Variants in CACNA1D observed in about 807,000 individuals in gnomAD.
CACNA1D encodes calcium voltage-gated channel subunit alpha1 D.
In CACNA1D, 55 loss-of-function variants were observed where a neutral mutation model predicts 257.1. That is an observed-to-expected ratio of 0.21 (90% CI 0.17 to 0.27). The LOEUF is 0.27. CACNA1D is among the 10% of genes least tolerant of loss of function. CACNA1D has a pLI of 1.00. For synonymous variants in CACNA1D, 980 were observed against 1,014.9 expected, an observed-to-expected ratio of 0.97 and a Z score of 0.65; for missense variants, 1,876 against 2,784.0, an observed-to-expected ratio of 0.67 and a Z score of 7.34.
intron 30 of CACNA1D, among the ~76,000 whole-genome samples, chr3:53,764,313 TCATCTCA>T: frequency 6.6e-6 from 1 of 152,222 alleles, no homozygotes. Context: ...GCCACCTTAA[TCATCTCA>T]CAACGCAAAG....
intron 3 of CACNA1D, among the ~76,000 whole-genome samples, chr3:53,538,437 G>A (rs755072224): frequency 1.3e-4 from 20 of 152,158 alleles, no homozygotes; most frequent in Non-Finnish European, 2.4e-4. Flanking sequence ...GATTACAGGC[G>A]TGAGCCACAG....
At position 53,723,705 on chromosome 3, in the gene CACNA1D, C is replaced by T. The variant is rs760939413; in HGVS notation, c.1892+46C>T. On this transcript the variant is annotated intron_variant, in intron 13 of 47. Transcript: ENST00000350061. This position sits in a 1 kb window ranked among gnomAD's most constrained non-coding sequence, Gnocchi z 5.6. ...CTGCAAATGTTTTATGAACATGAGGCGGCAACCAGTCACATCCCCGGGCAG... is the reference window on the plus strand; with the variant it reads ...CTGCAAATGTTTTATGAACATGAGGTGGCAACCAGTCACATCCCCGGGCAG... 2.4e-5 allele frequency: 38 copies of T among 1,593,118 alleles called. No individual in the cohort carries two copies. The highest frequency in any genetic ancestry group is 1.1e-4 in the South Asian group (10 of 90,646).
At chr3:53,688,662 C>T (rs2094494064) in intron 8 of CACNA1D, among the ~76,000 whole-genome samples, 1 of 152,194 alleles carries the variant, frequency 6.6e-6, no homozygotes, top group African/African-American at 2.4e-5. Context: ...GCCTCACATC[C>T]TTCCAAGACC....
rs2109129092 is a variant in CACNA1D, at chr3:53,789,206, C to G, written c.4923+2254C>G. 6.6e-6 allele frequency among the ~76,000 whole-genome samples: 1 copy of G among 152,234 alleles called. No homozygotes were observed. The highest frequency in any genetic ancestry group is 1.5e-5 in the Non-Finnish European group (1 of 68,026). On this transcript the variant is annotated intron_variant, in intron 40 of 47. Coordinates refer to ENST00000350061, the MANE Select transcript of CACNA1D (RefSeq NM_001128840.3). This position sits in a 1 kb window ranked among gnomAD's most constrained non-coding sequence, Gnocchi z 4.2. Reference sequence around the variant, plus strand: ...TGCAAACATTTCCAGTTAGATGATACCAACATATTTTCGCATGGCTCCATT... The same window carrying G: ...TGCAAACATTTCCAGTTAGATGATAGCAACATATTTTCGCATGGCTCCATT...
intron 4 of CACNA1D, 78 bp downstream of exon 4, chr3:53,650,996 C>A: frequency 7.6e-7 from 1 of 1,313,246 alleles, no homozygotes; most frequent in Non-Finnish European, 1.1e-6. Flanking sequence ...GGTAACAAAA[C>A]AGTCTTTTTA....
Position 53,673,748 on chromosome 3 carries a change from G to T in CACNA1D, c.1220+622G>T. ...CGATAGGATGGGAATGGCCATGGGTGTATTTTGTTAGTCTGATCATCCTTG... is the reference window on the plus strand; with the variant it reads ...CGATAGGATGGGAATGGCCATGGGTTTATTTTGTTAGTCTGATCATCCTTG... On this transcript the variant is annotated intron_variant, in intron 8 of 47. Coordinates refer to ENST00000350061, the MANE Select transcript of CACNA1D (RefSeq NM_001128840.3). The surrounding 1 kb of genome is among the most constrained non-coding windows in gnomAD (Gnocchi z 4.1). The T allele has an allele frequency of 6.2e-7, 1 of 1,613,878 alleles. No homozygotes were observed. Among genetic ancestry groups the T allele is most frequent in the African/African-American group, 1.3e-5 (1 of 75,034 alleles).
chr3:53,600,854 C>A lies in CACNA1D; in HGVS notation c.484-49925C>A, dbSNP rs561931286. 2.6e-5 allele frequency among the ~76,000 whole-genome samples: 4 copies of A among 152,258 alleles called. No individual in the cohort carries two copies. In the South Asian group the frequency reaches 8.3e-4, roughly 32 times the overall value. ...TAGATAGCTTTAACCCCCCTGTTCG[C>A]TGAAGGACTTGGTTCTGAATGATTG... On this transcript the variant is annotated intron_variant, in intron 3 of 47. Coordinates refer to ENST00000350061, the MANE Select transcript of CACNA1D (RefSeq NM_001128840.3).
At chr3:53,666,567 G>A (rs924123790) in intron 7 of CACNA1D, 32 bp downstream of exon 7, 16 of 1,576,626 alleles carry the variant, frequency 1.0e-5, no homozygotes, top group Non-Finnish European at 1.3e-5. Flanking sequence ...TTTATGGAGT[G>A]TTCTTTGCTT....
chr3:53,735,777 C>T lies in CACNA1D; in HGVS notation c.2751+274C>T, dbSNP rs563844336. 3.0e-4 allele frequency among the ~76,000 whole-genome samples: 45 copies of T among 152,362 alleles called. No homozygotes were observed. The South Asian group carries it at 8.3e-3, about 28-fold the overall frequency. On this transcript the variant is annotated intron_variant, in intron 20 of 47. Transcript: ENST00000350061. ...GGGAGCCTGCTTCTCCGCCTCTTTG[C>T]TCCCTGCTGCTGATATTTAGGTCCT... is the stretch of plus-strand genomic sequence containing the variant.
In CACNA1D at chr3:53,808,711, C is replaced by G. The variant is rs773336682; in HGVS notation, c.5812C>G (p.Pro1938Ala). Residue 1938 changes from proline (P) to alanine (A), a missense_variant, in exon 46 of 48, where the codon CCG (proline) becomes GCG (alanine). Around this residue, in one of 10 missense-constraint regions of CACNA1D, gnomAD observed 491 missense variants for 554.3 expected, o/e 0.89. Coordinates refer to ENST00000350061, the MANE Select transcript of CACNA1D (RefSeq NM_001128840.3). ...CCGGCAGAGCAGCCAGGAAGAGGTC[C>G]CGTCGTCTCCCATCTTCCCCCATCG... is the stretch of plus-strand genomic sequence containing the variant. The part of the protein sequence containing the change: ...LRRQSSQEEV[P>A]SSPIFPHRTA... The G allele has an allele frequency of 5.0e-6, 8 of 1,609,160 alleles. No homozygotes were observed. Among genetic ancestry groups the G allele is most frequent in the Non-Finnish European group, 5.1e-6 (6 of 1,179,968 alleles).
At position 53,793,972 on chromosome 3, in the gene CACNA1D, A is replaced by G. The variant is rs931132760; in HGVS notation, c.4924-6277A>G. The stretch of plus-strand genomic sequence containing the variant: ...AGGCTAAACTCTTCAGCTCCTGGAT[A>G]GAAGATGAGAGGCAGGCCAGTATAC... On this transcript the variant is annotated intron_variant, in intron 40 of 47. Transcript: ENST00000350061. The surrounding 1 kb of genome is among the most constrained non-coding windows in gnomAD (Gnocchi z 4.1). Among the ~76,000 whole-genome samples, 7 of 152,240 alleles carry G rather than the reference A, an allele frequency of 4.6e-5. No homozygotes were observed. Among genetic ancestry groups the G allele is most frequent in the Admixed American group, 6.5e-5 (1 of 15,282 alleles).
chr3:53,510,203 C>G (rs1223512159), intron 3 of CACNA1D, among the ~76,000 whole-genome samples: 44 of 152,244 alleles, frequency 2.9e-4, no homozygotes, highest in Admixed American at 2.9e-3. Flanking sequence ...TTACAATGAT[C>G]AGTTCCGTGT....
intron 3 of CACNA1D, among the ~76,000 whole-genome samples, chr3:53,594,912 A>G (rs1333599247): frequency 1.3e-5 from 2 of 152,254 alleles, no homozygotes; most frequent in African/African-American, 2.4e-5. Flanking sequence ...AGATTGAGGA[A>G]AAAATGACAG....
chr3:53,510,785 G>T (rs2091073033), intron 3 of CACNA1D, among the ~76,000 whole-genome samples: 1 of 151,998 alleles, frequency 6.6e-6, no homozygotes, highest in Non-Finnish European at 1.5e-5. Context: ...CCTCTCTCTG[G>T]GATGTTAGTA....
intron 28 of CACNA1D, among the ~76,000 whole-genome samples, chr3:53,752,108 A>G (rs532664507): frequency 6.6e-6 from 1 of 152,254 alleles, no homozygotes; most frequent in South Asian, 2.1e-4. Flanking sequence ...TGAAGAAATT[A>G]TCCGTACAGC....
At chr3:53,531,043 G>A (rs1212005114) in intron 3 of CACNA1D, among the ~76,000 whole-genome samples, 1 of 144,254 alleles carries the variant, frequency 6.9e-6, no homozygotes, top group Non-Finnish European at 1.5e-5. Flanking sequence ...TTTTGTAGAG[G>A]TGAGGGTCTC....
intron 3 of CACNA1D, among the ~76,000 whole-genome samples, chr3:53,573,694 G>A (rs1486658482): frequency 6.6e-6 from 1 of 152,136 alleles, no homozygotes; most frequent in Non-Finnish European, 1.5e-5. Context: ...TTCTTTCACT[G>A]TTGTATGTCC....
chr3:53,772,883 G>A lies in CACNA1D; in HGVS notation c.4095G>A (p.Ala1365=), dbSNP rs1351391926. Residue 1365 remains alanine, a synonymous_variant, in exon 33 of 48, where the codon GCG becomes GCA. Transcript: ENST00000350061. ...LLIAMLFFIY[A]VIGMQMFGKV... is the part of the protein sequence containing the mutation. Reference sequence around the variant, plus strand: ...TAGCCATGCTGTTCTTCATCTATGCGGTCATTGGCATGCAGGTAAGCTCCA... The same window carrying A: ...TAGCCATGCTGTTCTTCATCTATGCAGTCATTGGCATGCAGGTAAGCTCCA... The A allele has an allele frequency of 5.0e-6, 8 of 1,613,818 alleles. No homozygotes were observed. The highest frequency in any genetic ancestry group is 1.7e-5 in the Admixed American group (1 of 60,004).
rs2093586135 is a variant in CACNA1D at position 53,611,814 on chromosome 3, A to T, written c.484-38965A>T. ...TTTTCTATAAAAGATCAGATAGTAA[A>T]TATTTTATGCTTTGTGGACCAGATG... On this transcript the variant is annotated intron_variant, in intron 3 of 47. Transcript: ENST00000350061. Among the ~76,000 whole-genome samples, 3 of 152,348 alleles carry T rather than the reference A, an allele frequency of 2.0e-5. No individual in the cohort carries two copies. In the South Asian group the frequency reaches 6.2e-4, roughly 32 times the overall value.
Sources: allele counts gnomAD v4.1 joint callset (sites outside exome capture counted in the v4.1 genomes callset), GRCh38; gene constraint gnomAD v4.1.1; regional missense constraint gnomAD v4.1.1; non-coding constraint Gnocchi (gnomAD v3.1); transcripts MANE v1.5; gene names NCBI Gene and HGNC (gene_info 2026-07-23, HGNC 2026-07-21).